LRRK2: variants seen among roughly 807,000 people sequenced by gnomAD.
LRRK2 encodes leucine-rich repeat serine/threonine-protein kinase 2.
LRRK2 carries 203 observed loss-of-function variants against 302.6 expected under a neutral mutation model. That is an observed-to-expected ratio of 0.67 (90% CI 0.60 to 0.75). The LOEUF is 0.75. LRRK2 is among the 30% of genes least tolerant of loss of function. The pLI, the probability that LRRK2 is intolerant of heterozygous loss-of-function variation, is 0.00. For missense variants in LRRK2, 2,830 were observed against 2,951.0 expected (o/e 0.96, Z 0.95); for synonymous variants, 1,066 against 1,031.9 (o/e 1.03, Z -0.63).
intron 23 of LRRK2, among the ~76,000 whole-genome samples, chr12:40,295,887 T>G (rs1232408643): frequency 6.6e-6 from 1 of 152,200 alleles, no homozygotes; most frequent in African/African-American, 2.4e-5. Flanking sequence ...ACGGAGTACA[T>G]GTTAAAGTCT....
At chr12:40,230,337 T>C (rs1941118360) in intron 2 of LRRK2, among the ~76,000 whole-genome samples, 1 of 152,222 alleles carries the variant, frequency 6.6e-6, no homozygotes, top group African/African-American at 2.4e-5. Context: ...AAGAAACTTG[T>C]GCCATTATTC....
At chr12:40,273,417 G>T (rs73108342) in intron 14 of LRRK2, among the ~76,000 whole-genome samples, 1,818 of 152,228 alleles carry the variant, frequency 0.012, 50 homozygotes, top group African/African-American at 0.039. Context: ...GAAGTAGAAG[G>T]ACACAGGGTG....
chr12:40,244,299 A>G (rs990080093), intron 7 of LRRK2, among the ~76,000 whole-genome samples: 1 of 152,144 alleles, frequency 6.6e-6, no homozygotes, highest in African/African-American at 2.4e-5. Flanking sequence ...TGTCTTCTGC[A>G]ATTTTCAAAT....
At chr12:40,242,565 A>AT (rs1941779388) in intron 6 of LRRK2, among the ~76,000 whole-genome samples, 1 of 151,556 alleles carries the variant, frequency 6.6e-6, no homozygotes, top group Non-Finnish European at 1.5e-5. Flanking sequence ...AGGAAGCTTG[A>AT]TTTTGCTGCC....
At chr12:40,298,568 T>C in intron 24 of LRRK2, 75 bp downstream of exon 24, 2 of 1,561,010 alleles carry the variant, frequency 1.3e-6, no homozygotes, top group Non-Finnish European at 1.8e-6. Context: ...GACATTTTTA[T>C]AGCAATGAGT....
chr12:40,259,875 TC>T (rs1233510308), intron 13 of LRRK2, among the ~76,000 whole-genome samples: 1 of 152,190 alleles, frequency 6.6e-6, no homozygotes, highest in Non-Finnish European at 1.5e-5. Flanking sequence ...AGGGTGTTCA[TC>T]TCTGATAATT....
intron 34 of LRRK2, 150 bp from the exon 35 acceptor site, chr12:40,320,884 G>A: frequency 2.1e-6 from 2 of 940,512 alleles, no homozygotes; most frequent in Non-Finnish European, 1.6e-6. Context: ...AATTTTTGGT[G>A]TAGGAAAAAT....
chr12:40,259,605 G>A lies in LRRK2; in HGVS notation c.1543+1G>A. On this transcript the variant is annotated splice_donor_variant, in intron 13 of 50. Transcript: ENST00000298910. LOFTEE classifies it high-confidence loss of function. ...GCTATTTTACATTTTATAGTGCCTGGTAAGTTACATAGTTGATTGTGGGAA... is the reference window on the plus strand; with the variant it reads ...GCTATTTTACATTTTATAGTGCCTGATAAGTTACATAGTTGATTGTGGGAA... 6.2e-7 allele frequency: 1 copy of A among 1,612,922 alleles called. No individual in the cohort carries two copies. The highest frequency in any genetic ancestry group is 1.1e-5 in the South Asian group (1 of 91,058).
chr12:40,309,404 G>GTTTGTAATGAAGTT (rs1944960051), intron 30 of LRRK2, among the ~76,000 whole-genome samples, 171 bp downstream of exon 30: 1 of 151,992 alleles, frequency 6.6e-6, no homozygotes, highest in Non-Finnish European at 1.5e-5. Context: ...GAGTAATGAA[G>GTTTGTAATGAAGTT]TCATAACATG....
At position 40,308,608 on chromosome 12, in the gene LRRK2, C is replaced by T. The variant is rs2136815209; in HGVS notation, c.4101C>T (p.Ala1367=). 3 of 1,613,960 alleles carry T rather than the reference C, an allele frequency of 1.9e-6. No homozygotes were observed. Among genetic ancestry groups the T allele is most frequent in the East Asian group, 2.2e-5 (1 of 44,852 alleles). Residue 1367 remains alanine, a synonymous_variant, in exon 29 of 51, where the codon GCC becomes GCT. Transcript: ENST00000298910. ...TKKSDLGMQS[A]TVGIDVKDWP... is the part of the protein sequence containing the mutation. ...AATCAGATCTTGGAATGCAAAGTGC[C>T]ACAGTTGGCATAGATGTGAAAGACT...
intron 38 of LRRK2, among the ~76,000 whole-genome samples, chr12:40,325,444 T>C (rs1027126608): frequency 1.3e-5 from 2 of 152,206 alleles, no homozygotes; most frequent in African/African-American, 2.4e-5. Context: ...GTCTTTGAGC[T>C]GTTGCCATTT....
intron 23 of LRRK2, 130 bp from the exon 24 acceptor site, chr12:40,298,113 G>A: frequency 1.1e-6 from 1 of 883,012 alleles, no homozygotes; most frequent in Non-Finnish European, 1.7e-6. Context: ...ATTCTGTTGT[G>A]GATTGTGTTT....
intron 39 of LRRK2, among the ~76,000 whole-genome samples, chr12:40,333,461 G>A (rs1323456511): frequency 6.6e-6 from 1 of 152,104 alleles, no homozygotes; most frequent in Admixed American, 6.5e-5. Context: ...CAGAGTTACA[G>A]TTTCAGAGTA....
At chr12:40,336,969 A>G (rs537971849) in intron 40 of LRRK2, among the ~76,000 whole-genome samples, 1 of 152,216 alleles carries the variant, frequency 6.6e-6, no homozygotes, top group East Asian at 1.9e-4. Context: ...GACTTATTCT[A>G]GTTCTCTGAA....
At chr12:40,238,597 G>A (rs1012776325) in intron 5 of LRRK2, among the ~76,000 whole-genome samples, 3 of 152,144 alleles carry the variant, frequency 2.0e-5, no homozygotes, top group Non-Finnish European at 2.9e-5. Context: ...TGGAGTCCTT[G>A]TTTAGTCTTT....
At position 40,304,363 on chromosome 12, in the gene LRRK2, T is replaced by A; in HGVS notation, c.3777+229T>A. 5.2e-6 allele frequency: 3 copies of A among 579,542 alleles called. No individual in the cohort carries two copies. The South Asian group carries it at 6.9e-5, about 13-fold the overall frequency. 35.9% of individuals were successfully genotyped at this position (579,542 alleles called of 1,614,324 possible). On this transcript the variant is annotated intron_variant, in intron 27 of 50. Transcript: ENST00000298910. The stretch of plus-strand genomic sequence containing the variant: ...AATTTCCATTCTCACACCGACAATT[T>A]AAAAAAATCTACTTTTAAAAATAAG...
chr12:40,292,151 G>T (rs1489122142), intron 20 of LRRK2, among the ~76,000 whole-genome samples: 1 of 151,954 alleles, frequency 6.6e-6, no homozygotes, highest in African/African-American at 2.4e-5. Flanking sequence ...AAAGCCATGA[G>T]ACTGTTTAAA....
intron 39 of LRRK2, among the ~76,000 whole-genome samples, chr12:40,332,620 T>C (rs971382721): frequency 6.6e-6 from 1 of 152,170 alleles, no homozygotes; most frequent in Admixed American, 6.5e-5. Context: ...GAAGATTTCA[T>C]GTGAGTACAA....
intron 3 of LRRK2, among the ~76,000 whole-genome samples, chr12:40,233,940 C>T (rs570072819): frequency 2.6e-5 from 4 of 152,332 alleles, no homozygotes; most frequent in South Asian, 4.1e-4. Context: ...AAGATAGACA[C>T]ACTGCTGTCT....
Sources: allele counts gnomAD v4.1 joint callset (sites outside exome capture counted in the v4.1 genomes callset), GRCh38; gene constraint gnomAD v4.1.1; transcripts MANE v1.5; gene names NCBI Gene and HGNC (gene_info 2026-07-23, HGNC 2026-07-21).